Variants in CDH10 observed in about 807,000 individuals in gnomAD.
The protein encoded by CDH10 is cadherin 10.
Under a neutral mutation model 73.1 loss-of-function variants are expected in CDH10, and 30 were observed. The observed-to-expected ratio is 0.41, with a 90% CI of 0.31 to 0.56. The LOEUF (loss-of-function observed/expected upper bound fraction) is 0.56, where lower values mean the gene tolerates loss of function less well. Among genes scored for constraint, CDH10 ranks in the 20% least tolerant of loss-of-function variants. The probability of loss-of-function intolerance (pLI) is 0.27; values close to 1 mark genes in which losing one functional copy is unlikely to be tolerated. For missense variants in CDH10, 815 were observed against 973.7 expected (o/e 0.84, Z 2.17); for synonymous variants, 345 against 348.2 (o/e 0.99, Z 0.10).
At chr5:24,629,087 TA>T (rs965904516) in intron 1 of CDH10, among the ~76,000 whole-genome samples, 1 of 152,124 alleles carries the variant, frequency 6.6e-6, no homozygotes, top group African/African-American at 2.4e-5. Context: ...AATATGTGTT[TA>T]AAACAATAAA....
intron 2 of CDH10, among the ~76,000 whole-genome samples, chr5:24,538,436 C>T (rs1744037277): frequency 6.6e-6 from 1 of 152,068 alleles, no homozygotes; most frequent in Non-Finnish European, 1.5e-5. Context: ...TTTCCTGAGC[C>T]TGTAACATAA....
chr5:24,625,561 ATTCATATATATACATATATT>A (rs994855998), intron 1 of CDH10, among the ~76,000 whole-genome samples: 1 of 86,600 alleles, frequency 1.2e-5, no homozygotes, highest in Non-Finnish European at 3.2e-5. Context: ...ATATATATAT[ATTCATATATATACATATATT>A]CATATATATG....
chr5:24,547,012 A>G (rs1336232929), intron 2 of CDH10, among the ~76,000 whole-genome samples: 1 of 152,228 alleles, frequency 6.6e-6, no homozygotes. Context: ...ATCTGCACAA[A>G]GAAAATTTTA....
intron 11 of CDH10, among the ~76,000 whole-genome samples, chr5:24,490,646 G>A (rs754224649): frequency 6.6e-6 from 1 of 152,018 alleles, no homozygotes; most frequent in Non-Finnish European, 1.5e-5. Context: ...AATAAAGAAC[G>A]TGGAAATATT....
Position 24,487,442 on chromosome 5 carries a change from A to G in CDH10, c.*221T>C, listed in dbSNP as rs537939589. On this transcript the variant is annotated 3_prime_UTR_variant, in exon 12 of 12. Transcript: ENST00000264463. ...CTAAGATGGACAACACTGTATTTCC[A>G]TAGCTTTGGCTCTTGGAAGTGATTA... 91 of 479,406 alleles carry G rather than the reference A, an allele frequency of 1.9e-4. No individual in the cohort carries two copies. The highest frequency in any genetic ancestry group is 1.7e-3 in the African/African-American group (86 of 51,832). The allele number at this position is 479,406 out of a possible 1,614,324, so 29.7% of individuals were successfully genotyped here.
chr5:24,616,000 C>T (rs1328579912), intron 1 of CDH10, among the ~76,000 whole-genome samples: 1 of 151,788 alleles, frequency 6.6e-6, no homozygotes, highest in Non-Finnish European at 1.5e-5. Context: ...TTTTAATTAC[C>T]CCAAATCATA....
In CDH10 at chr5:24,507,519, T is replaced by C. The variant is rs547385098; in HGVS notation, c.1256+2047A>G. 1.7e-4 allele frequency among the ~76,000 whole-genome samples: 26 copies of C among 152,070 alleles called. No homozygotes were observed. The South Asian group carries it at 5.2e-3, about 30-fold the overall frequency. On this transcript the variant is annotated intron_variant, in intron 7 of 11. Transcript: ENST00000264463. ...TATATTTTGACATATAATAATTATA[T>C]GTCCATAGGAGGATTTAAATTCTAT... is the stretch of plus-strand genomic sequence containing the variant.
intron 5 of CDH10, among the ~76,000 whole-genome samples, chr5:24,523,997 AC>A (rs1743434973): frequency 6.6e-6 from 1 of 152,138 alleles, no homozygotes; most frequent in Admixed American, 6.6e-5. Context: ...GCACATAAGT[AC>A]ATTAATTTTT....
At chr5:24,592,903 A>AATATAT (rs10533669) in intron 2 of CDH10, among the ~76,000 whole-genome samples, 3 of 148,378 alleles carry the variant, frequency 2.0e-5, no homozygotes, top group African/African-American at 7.4e-5. Context: ...AGCAATGTGA[A>AATATAT]ATATATATAT....
At chr5:24,584,366 C>A (rs1235897516) in intron 2 of CDH10, among the ~76,000 whole-genome samples, 1 of 149,050 alleles carries the variant, frequency 6.7e-6, no homozygotes, top group Non-Finnish European at 1.5e-5. Flanking sequence ...TGACTTTGAG[C>A]TTAATAGTTA....
Position 24,569,969 on chromosome 5 carries a change from T to C in CDH10, c.231+23291A>G, listed in dbSNP as rs370037693. ...TTAGTAGAGACGGGGTTTCACCATA[T>C]TGGACGGGCTGTTCTCGAACTCCTA... On this transcript the variant is annotated intron_variant, in intron 2 of 11. Coordinates refer to ENST00000264463, the MANE Select transcript of CDH10 (RefSeq NM_006727.5). Among the ~76,000 whole-genome samples the C allele has an allele frequency of 1.8e-4, 27 of 152,170 alleles. No homozygotes were observed. The East Asian group carries it at 3.1e-3, about 17-fold the overall frequency.
At chr5:24,636,149 CATT>C (rs1332783130) in intron 1 of CDH10, among the ~76,000 whole-genome samples, 49 of 151,872 alleles carry the variant, frequency 3.2e-4, no homozygotes, top group Non-Finnish European at 4.9e-4. Flanking sequence ...GTGTATTAGG[CATT>C]GTTGTTAGAC....
chr5:24,604,794 A>C (rs145909301), intron 1 of CDH10, among the ~76,000 whole-genome samples: 2,595 of 150,804 alleles, frequency 0.017, 36 homozygotes, highest in Non-Finnish European at 0.025. Context: ...AATCGTTTGA[A>C]GCCGGGAGGC....
chr5:24,594,141 G>T (rs1351952049), intron 1 of CDH10, among the ~76,000 whole-genome samples: 1 of 151,608 alleles, frequency 6.6e-6, no homozygotes, highest in Non-Finnish European at 1.5e-5. Context: ...GAGAAAACTA[G>T]GAATGCCTTC....
intron 1 of CDH10, among the ~76,000 whole-genome samples, chr5:24,632,263 A>G (rs995826813): frequency 2.0e-5 from 3 of 152,114 alleles, no homozygotes; most frequent in Admixed American, 2.0e-4. Flanking sequence ...CCTAAAATAT[A>G]GCACTAAATA....
intron 1 of CDH10, among the ~76,000 whole-genome samples, chr5:24,625,250 T>A (rs753569500): frequency 7.3e-6 from 1 of 136,088 alleles, no homozygotes; most frequent in Non-Finnish European, 1.6e-5. Context: ...ACCACTTTTA[T>A]CTTTGTCAAA....
At position 24,509,715 on chromosome 5, in the gene CDH10, G is replaced by A. The variant is rs761996207; in HGVS notation, c.1107C>T (p.Thr369=). 4 of 1,612,706 alleles carry A rather than the reference G, an allele frequency of 2.5e-6. No homozygotes were observed. In the Admixed American group the frequency reaches 6.7e-5, roughly 27 times the overall value. ...CATCTTCTATAGAGATTTTCACTAT[G>A]GTAGTATCTTTAAATGGTCCTAGGT... The part of the protein sequence containing the change: ...FYYLGPFKDT[T]IVKISIEDVD... Residue 369 remains threonine, a synonymous_variant, in exon 7 of 12, where the codon ACC becomes ACT. Transcript: ENST00000264463.
At chr5:24,537,952 G>A (rs1027814243) in intron 2 of CDH10, among the ~76,000 whole-genome samples, 1 of 151,910 alleles carries the variant, frequency 6.6e-6, no homozygotes, top group African/African-American at 2.4e-5. Context: ...TCATTTTTAT[G>A]GGCAAATAAA....
chr5:24,534,253 T>G, intron 5 of CDH10, among the ~76,000 whole-genome samples: 1 of 152,206 alleles, frequency 6.6e-6, no homozygotes, highest in South Asian at 2.1e-4. Context: ...ATTCAGAGGT[T>G]AATATTCAGC....
Sources: gnomAD v4.1 joint callset for allele counts (sites outside exome capture counted in the v4.1 genomes callset) on GRCh38, gnomAD v4.1.1 for gene constraint, MANE v1.5 for transcripts, NCBI Gene and HGNC (gene_info 2026-07-23, HGNC 2026-07-21) for gene names.